The following R3HDM2 variants were observed in gnomAD, a reference collection of about 807,000 sequenced individuals.
R3HDM2 encodes R3H domain containing 2.
In R3HDM2, 38 loss-of-function variants were observed where a neutral mutation model predicts 124.5. That is an observed-to-expected ratio of 0.31 (90% CI 0.24 to 0.40). The LOEUF (loss-of-function observed/expected upper bound fraction) is 0.40. R3HDM2 is among the 10% of genes least tolerant of loss of function. The pLI, the probability that R3HDM2 is intolerant of heterozygous loss-of-function variation, is 1.00. For missense variants in R3HDM2, 869 were observed against 1,236.9 expected, an observed-to-expected ratio of 0.70 and a Z score of 4.46; for synonymous variants, 391 against 448.0, an observed-to-expected ratio of 0.87 and a Z score of 1.61.
intron 16 of R3HDM2, 50 bp downstream of exon 16, chr12:57,269,273 G>C (rs1236848907): frequency 6.2e-7 from 1 of 1,604,412 alleles, no homozygotes. Flanking sequence ...TTCTTTCCTG[G>C]TGTGCCCTTC....
intron 2 of R3HDM2, among the ~76,000 whole-genome samples, chr12:57,315,325 G>A (rs901542717): frequency 2.0e-5 from 3 of 152,084 alleles, no homozygotes; most frequent in Admixed American, 6.6e-5. Context: ...ATAGGTGTGA[G>A]CCACTGCACC....
intron 2 of R3HDM2, among the ~76,000 whole-genome samples, chr12:57,332,644 C>T (rs189013646): frequency 6.6e-6 from 1 of 152,244 alleles, no homozygotes; most frequent in African/African-American, 2.4e-5. Context: ...ACTGTGTGAA[C>T]TGAGATTCAA....
At chr12:57,265,738 G>A (rs2042195513) in intron 19 of R3HDM2, among the ~76,000 whole-genome samples, 1 of 151,284 alleles carries the variant, frequency 6.6e-6, no homozygotes, top group South Asian at 2.1e-4. Flanking sequence ...AGGCTCAAGC[G>A]ATTGTTCCCC....
At chr12:57,357,141 T>TAAAC (rs1276662285) in intron 2 of R3HDM2, among the ~76,000 whole-genome samples, 2 of 150,066 alleles carry the variant, frequency 1.3e-5, no homozygotes, top group Non-Finnish European at 3.0e-5. Context: ...AATAAATAAA[T>TAAAC]AGTAAAATTT....
At chr12:57,256,589 G>A in intron 21 of R3HDM2, 78 bp from the exon 22 acceptor site, 2 of 1,091,278 alleles carry the variant, frequency 1.8e-6, no homozygotes, top group South Asian at 1.6e-5. Flanking sequence ...AGGGGCTTTG[G>A]AGACAGCAAC....
rs567828072 is a variant in R3HDM2 at position 57,397,977 on chromosome 12, T to A, written c.-105-2159A>T. ...GGCGGGCGAATCACGAGCTCAGGAG[T>A]TCGAGACCAGCCTGGCCAACACAGT... On this transcript the variant is annotated intron_variant, in intron 1 of 23. Coordinates refer to ENST00000402412, the MANE Select transcript of R3HDM2 (RefSeq NM_001394031.1). Among the ~76,000 whole-genome samples, 212 of 151,956 alleles carry A rather than the reference T, an allele frequency of 1.4e-3. 3 individuals are homozygous for A. The highest frequency in any genetic ancestry group is 3.4e-4 in the Non-Finnish European group (23 of 67,976).
intron 1 of R3HDM2, among the ~76,000 whole-genome samples, chr12:57,404,503 C>G (rs935098641): frequency 2.0e-5 from 3 of 151,116 alleles, no homozygotes; most frequent in African/African-American, 7.3e-5. Context: ...CGAGACCATC[C>G]TGGCCAACAT....
intron 14 of R3HDM2, among the ~76,000 whole-genome samples, chr12:57,275,877 T>C (rs954450361): frequency 1.3e-5 from 2 of 152,294 alleles, no homozygotes; most frequent in South Asian, 4.1e-4. Flanking sequence ...GGTGGGAATG[T>C]AAAGTAGTAC....
chr12:57,380,780 C>T (rs896327129), intron 2 of R3HDM2, among the ~76,000 whole-genome samples: 1 of 151,882 alleles, frequency 6.6e-6, no homozygotes, highest in African/African-American at 2.4e-5. Flanking sequence ...AAAAAAAAGA[C>T]ACAAAAGCCA....
At chr12:57,397,953 G>A (rs2067716138) in intron 1 of R3HDM2, among the ~76,000 whole-genome samples, 1 of 152,184 alleles carries the variant, frequency 6.6e-6, no homozygotes, top group Non-Finnish European at 1.5e-5. Context: ...GGAGGCTAAG[G>A]CGGGCGAATC....
intron 1 of R3HDM2, among the ~76,000 whole-genome samples, chr12:57,415,962 G>A (rs1009767433): frequency 6.6e-6 from 1 of 152,184 alleles, no homozygotes; most frequent in African/African-American, 2.4e-5. Flanking sequence ...ATCCAGGATT[G>A]TGGGGGTAAG....
chr12:57,255,338 C>G (rs573805745), intron 23 of R3HDM2, among the ~76,000 whole-genome samples: 2 of 152,286 alleles, frequency 1.3e-5, no homozygotes, highest in East Asian at 3.9e-4. Context: ...CCCAGAGATA[C>G]AGGAAAGAAG....
intron 22 of R3HDM2, 157 bp downstream of exon 22, chr12:57,256,257 C>T (rs1437803239): frequency 5.4e-5 from 46 of 859,776 alleles, no homozygotes; most frequent in South Asian, 3.4e-4. Context: ...GCATGGGGGT[C>T]GGGTGGGAGA....
rs1398056486 is a variant in R3HDM2, at chr12:57,295,385, T to C, written c.810+14A>G. 6.5e-7 allele frequency: 1 copy of C among 1,532,990 alleles called. No homozygotes were observed. Among genetic ancestry groups the C allele is most frequent in the Admixed American group, 2.0e-5 (1 of 50,962 alleles). The allele number at this position is 1,532,990 out of a possible 1,614,324, so 95.0% of individuals were successfully genotyped here. A position where few individuals can be genotyped will look rare whatever the true frequency, so the allele number is the denominator to read the frequency against. On this transcript the variant is annotated intron_variant, in intron 10 of 23. Coordinates refer to ENST00000402412, the MANE Select transcript of R3HDM2 (RefSeq NM_001394031.1). ...CAAACTCTCTATATAGGCCCACCCCTTTCCATTCTTCACCTGGTTATCATC... is the reference window on the plus strand; with the variant it reads ...CAAACTCTCTATATAGGCCCACCCCCTTCCATTCTTCACCTGGTTATCATC...
At chr12:57,339,696 TA>T (rs746288298) in intron 2 of R3HDM2, among the ~76,000 whole-genome samples, 575 of 130,748 alleles carry the variant, frequency 4.4e-3, no homozygotes, top group Admixed American at 4.5e-3. Flanking sequence ...AGACTCCATC[TA>T]AAAAAAAAAA....
At chr12:57,294,648 C>T (rs1397906403) in intron 10 of R3HDM2, among the ~76,000 whole-genome samples, 1 of 152,058 alleles carries the variant, frequency 6.6e-6, no homozygotes, top group Non-Finnish European at 1.5e-5. Flanking sequence ...AAATCGAATC[C>T]CTTTTGGAGG....
intron 2 of R3HDM2, among the ~76,000 whole-genome samples, chr12:57,392,071 G>T (rs1566464643): frequency 1.3e-5 from 2 of 152,196 alleles, no homozygotes; most frequent in Admixed American, 1.3e-4. Flanking sequence ...GCCAAGGCAG[G>T]AGAATCACTT....
chr12:57,269,575 T>C, intron 15 of R3HDM2, 126 bp from the exon 16 acceptor site: 2 of 1,463,360 alleles, frequency 1.4e-6, no homozygotes, highest in Non-Finnish European at 1.8e-6. Flanking sequence ...GGACCTGCAA[T>C]TGCAGTAAAA....
At chr12:57,337,576 A>G (rs2059018963) in intron 2 of R3HDM2, among the ~76,000 whole-genome samples, 1 of 152,208 alleles carries the variant, frequency 6.6e-6, no homozygotes, top group African/African-American at 2.4e-5. Context: ...TAGTAGGCCT[A>G]TCTGCACGTT....
Sources: allele counts gnomAD v4.1 joint callset (sites outside exome capture counted in the v4.1 genomes callset), GRCh38; gene constraint gnomAD v4.1.1; transcripts MANE v1.5; gene names NCBI Gene and HGNC (gene_info 2026-07-23, HGNC 2026-07-21).